GRM5: variants seen among roughly 807,000 people sequenced by gnomAD.
GRM5 encodes metabotropic glutamate receptor 5.
GRM5 carries 19 observed loss-of-function variants against 83.1 expected under a neutral mutation model. The ratio of observed to expected loss-of-function variants is 0.23; its 90% CI spans 0.16 to 0.34. GRM5 has a LOEUF of 0.34. Among genes scored for constraint, GRM5 ranks in the 10% least tolerant of loss-of-function variants. The pLI is 1.00. For synonymous variants in GRM5, 675 were observed against 633.6 expected (o/e 1.07, Z -0.98); for missense variants, 1,160 against 1,588.3 (o/e 0.73, Z 4.58).
At chr11:89,012,827 A>G (rs1304043269) in intron 2 of GRM5, among the ~76,000 whole-genome samples, 2 of 152,238 alleles carry the variant, frequency 1.3e-5, no homozygotes, top group Non-Finnish European at 2.9e-5. Flanking sequence ...TGAAGGAATC[A>G]TTACATACCG....
At chr11:88,735,629 A>G (rs957569067) in intron 3 of GRM5, among the ~76,000 whole-genome samples, 1 of 152,098 alleles carries the variant, frequency 6.6e-6, no homozygotes, top group African/African-American at 2.4e-5. Flanking sequence ...AGGCAGCCCC[A>G]GGGTGTACCT....
intron 2 of GRM5, among the ~76,000 whole-genome samples, chr11:88,917,924 A>G (rs952499812): frequency 4.6e-4 from 70 of 152,170 alleles, no homozygotes; most frequent in African/African-American, 1.6e-3. Context: ...ATTGAAAAAA[A>G]TAACAGAGAA....
At chr11:88,951,081 GTGTGTGTGTGTGTATC>G (rs1245537000) in intron 2 of GRM5, among the ~76,000 whole-genome samples, 1 of 151,154 alleles carries the variant, frequency 6.6e-6, no homozygotes. Context: ...ATTAGAGTGT[GTGTGTGTGTGTGTATC>G]TGTGTGTGAC....
intron 3 of GRM5, among the ~76,000 whole-genome samples, chr11:88,711,735 A>C (rs1197766439): frequency 6.6e-6 from 1 of 152,132 alleles, no homozygotes; most frequent in Non-Finnish European, 1.5e-5. Flanking sequence ...AATAGTAGGC[A>C]CTACAAAAAT....
At chr11:88,559,828 G>A (rs1195513547) in intron 8 of GRM5, among the ~76,000 whole-genome samples, 1 of 152,274 alleles carries the variant, frequency 6.6e-6, no homozygotes, top group East Asian at 1.9e-4. Context: ...GTGCAAAAGA[G>A]TCTTTCAATT....
At chr11:88,981,305 T>C (rs1565319163) in intron 2 of GRM5, among the ~76,000 whole-genome samples, 1 of 152,218 alleles carries the variant, frequency 6.6e-6, no homozygotes, top group Non-Finnish European at 1.5e-5. Context: ...AGACATTAGG[T>C]AATTTATCTA....
intron 8 of GRM5, among the ~76,000 whole-genome samples, chr11:88,549,270 G>A (rs1942450538): frequency 6.6e-6 from 1 of 151,924 alleles, no homozygotes; most frequent in Non-Finnish European, 1.5e-5. Context: ...TCAAGACCAA[G>A]TGGGGGCAAC....
intron 3 of GRM5, among the ~76,000 whole-genome samples, chr11:88,834,919 C>T (rs745830114): frequency 3.9e-5 from 6 of 152,086 alleles, no homozygotes; most frequent in Non-Finnish European, 7.4e-5. Flanking sequence ...AGAATCCTGC[C>T]TTTTACTTAG....
At chr11:88,647,555 A>C (rs2135296584) in intron 4 of GRM5, among the ~76,000 whole-genome samples, 1 of 152,258 alleles carries the variant, frequency 6.6e-6, no homozygotes. Context: ...AAACCCTAGA[A>C]GAAAACCTAG....
chr11:88,871,084 A>AT (rs1017532703), intron 2 of GRM5, among the ~76,000 whole-genome samples: 1 of 151,622 alleles, frequency 6.6e-6, no homozygotes, highest in Non-Finnish European at 1.5e-5. Context: ...AAATTTAAAA[A>AT]TGTTGAAAAA....
chr11:88,865,224 G>A (rs1944641861), intron 2 of GRM5, among the ~76,000 whole-genome samples: 1 of 152,018 alleles, frequency 6.6e-6, no homozygotes, highest in Non-Finnish European at 1.5e-5. Context: ...ATAGACCAAT[G>A]GAACAGAACA....
chr11:88,897,241 C>G (rs1945240794), intron 2 of GRM5, among the ~76,000 whole-genome samples: 1 of 151,914 alleles, frequency 6.6e-6, no homozygotes, highest in Non-Finnish European at 1.5e-5. Flanking sequence ...GTTGGATAAA[C>G]TGACATTCAC....
chr11:88,508,768 G>C lies in GRM5; in HGVS notation c.3463C>G (p.Pro1155Ala). ...AAGPEAAAAK[P>A]DLEELVALTP... Reference sequence around the variant, plus strand: ...AGAGCCACCAGCTCCTCCAGGTCTGGCTTGGCGGCCGCAGCCTCGGGACCG... The same window carrying C: ...AGAGCCACCAGCTCCTCCAGGTCTGCCTTGGCGGCCGCAGCCTCGGGACCG... Residue 1155 changes from proline to alanine, a missense_variant, in exon 10 of 10, where the codon CCA (proline) becomes GCA (alanine). Transcript: ENST00000305447. The surrounding 1 kb of genome is among the most constrained non-coding windows in gnomAD (Gnocchi z 4.2). 6.7e-7 allele frequency: 1 copy of C among 1,496,540 alleles called. No homozygotes were observed. Among genetic ancestry groups the C allele is most frequent in the Non-Finnish European group, 8.8e-7 (1 of 1,130,290 alleles). 92.7% of individuals were successfully genotyped at this position (1,496,540 alleles called of 1,614,324 possible).
rs1436035880 is a variant in GRM5, at chr11:88,506,228, T to A, written c.*2364A>T. 2 of 152,192 alleles carry A rather than the reference T, an allele frequency of 1.3e-5. No homozygotes were observed. The highest frequency in any genetic ancestry group is 1.5e-5 in the Non-Finnish European group (1 of 68,016). 9.4% of individuals were successfully genotyped at this position (152,192 alleles called of 1,614,324 possible). On this transcript the variant is annotated 3_prime_UTR_variant, in exon 10 of 10. Transcript: ENST00000305447. ...AAGGTAGTGTGCTTTTTAAGAGATATGTTACTAAAAAAATAGAAAATGAAT... is the reference window on the plus strand; with the variant it reads ...AAGGTAGTGTGCTTTTTAAGAGATAAGTTACTAAAAAAATAGAAAATGAAT...
chr11:88,904,643 G>C (rs1056626836), intron 2 of GRM5, among the ~76,000 whole-genome samples: 9 of 152,118 alleles, frequency 5.9e-5, no homozygotes, highest in Admixed American at 5.9e-4. Context: ...AATTACTCAT[G>C]TAAACCTACA....
intron 1 of GRM5, among the ~76,000 whole-genome samples, chr11:89,064,473 A>C (rs1305443909): frequency 6.6e-6 from 1 of 152,138 alleles, no homozygotes; most frequent in East Asian, 1.9e-4. Context: ...TCCCAACAGC[A>C]CAGTCAGGAT....
At chr11:88,714,768 A>C (rs1349158953) in intron 3 of GRM5, among the ~76,000 whole-genome samples, 1 of 151,922 alleles carries the variant, frequency 6.6e-6, no homozygotes, top group Non-Finnish European at 1.5e-5. Flanking sequence ...GTACAGCTGC[A>C]TCTACAACTC....
intron 8 of GRM5, among the ~76,000 whole-genome samples, chr11:88,550,542 G>A (rs139802680): frequency 2.4e-4 from 36 of 152,248 alleles, no homozygotes; most frequent in African/African-American, 7.7e-4. Flanking sequence ...TGCTTCTTGT[G>A]TACATTTGCT....
At chr11:88,787,372 T>C (rs1324290330) in intron 3 of GRM5, among the ~76,000 whole-genome samples, 1 of 151,926 alleles carries the variant, frequency 6.6e-6, no homozygotes, top group Non-Finnish European at 1.5e-5. Flanking sequence ...AAGGAGAGGA[T>C]GTGGAAGACA....
Sources: gnomAD v4.1 joint callset for allele counts (sites outside exome capture counted in the v4.1 genomes callset) on GRCh38, gnomAD v4.1.1 for gene constraint, Gnocchi (gnomAD v3.1) non-coding constraint, MANE v1.5 for transcripts, NCBI Gene and HGNC (gene_info 2026-07-23, HGNC 2026-07-21) for gene names.